The following EXOC4 variants were observed in gnomAD, a reference collection of about 807,000 sequenced individuals.
EXOC4 encodes exocyst complex component 4, also known as SEC8-like 1.
A neutral mutation model predicts 107.2 loss-of-function variants in EXOC4; 71 were observed. The observed-to-expected ratio is 0.66, with a 90% CI of 0.55 to 0.81. The LOEUF (loss-of-function observed/expected upper bound fraction) is 0.81, where lower values mean the gene tolerates loss of function less well. Ranked by LOEUF, EXOC4 falls within the 30% of genes least tolerant of loss-of-function variation. The pLI is 0.00. For synonymous variants in EXOC4, 456 were observed against 441.2 expected (o/e 1.03, Z -0.42); for missense variants, 1,108 against 1,189.6 (o/e 0.93, Z 1.01).
intron 16 of EXOC4, among the ~76,000 whole-genome samples, chr7:134,007,341 G>A (rs372567144): frequency 1.3e-5 from 2 of 152,078 alleles, no homozygotes; most frequent in South Asian, 2.1e-4. Flanking sequence ...AAAGAAAAGC[G>A]GGATTTCCTG....
intron 9 of EXOC4, among the ~76,000 whole-genome samples, chr7:133,537,302 C>G (rs983706758): frequency 1.3e-5 from 2 of 148,786 alleles, no homozygotes; most frequent in African/African-American, 2.5e-5. Context: ...AGGCACCCCC[C>G]CCCCCACCAC....
chr7:133,813,245 G>A (rs2151210465), intron 10 of EXOC4, among the ~76,000 whole-genome samples: 1 of 152,190 alleles, frequency 6.6e-6, no homozygotes, highest in African/African-American at 2.4e-5. Flanking sequence ...GGCAAATATG[G>A]GACTAGAAAG....
chr7:133,753,612 C>T (rs1448455642), intron 10 of EXOC4, among the ~76,000 whole-genome samples: 1 of 152,216 alleles, frequency 6.6e-6, no homozygotes, highest in Non-Finnish European at 1.5e-5. Flanking sequence ...ATGTTAAAGG[C>T]TGACAAGAAT....
intron 11 of EXOC4, among the ~76,000 whole-genome samples, chr7:133,883,421 C>A (rs1799008744): frequency 7.0e-6 from 1 of 142,192 alleles, no homozygotes; most frequent in African/African-American, 2.6e-5. Flanking sequence ...GTGGGAGGAT[C>A]ATTTGAGGCC....
intron 7 of EXOC4, among the ~76,000 whole-genome samples, chr7:133,448,795 A>AGT (rs1407717315): frequency 3.3e-5 from 5 of 152,162 alleles, no homozygotes; most frequent in Admixed American, 1.3e-4. Flanking sequence ...TCTAATGATT[A>AGT]GTGACCTTAT....
intron 12 of EXOC4, among the ~76,000 whole-genome samples, chr7:133,902,619 C>T (rs936983857): frequency 2.6e-5 from 4 of 151,944 alleles, no homozygotes; most frequent in Non-Finnish European, 4.4e-5. Context: ...TTTGGGAGGC[C>T]GAGGGCAGGC....
intron 9 of EXOC4, among the ~76,000 whole-genome samples, chr7:133,547,129 A>G (rs1390638012): frequency 6.6e-6 from 1 of 152,204 alleles, no homozygotes; most frequent in East Asian, 1.9e-4. Flanking sequence ...TTCCAGGTTC[A>G]GTTCCAGACC....
intron 9 of EXOC4, among the ~76,000 whole-genome samples, chr7:133,562,975 T>A (rs1800838087): frequency 1.3e-5 from 2 of 152,202 alleles, no homozygotes; most frequent in African/African-American, 4.8e-5. Context: ...TGGTGATGCA[T>A]GAAGTCACGA....
Position 133,698,539 on chromosome 7 carries a change from G to T in EXOC4, c.1514+68398G>T, listed in dbSNP as rs529844327. The stretch of plus-strand genomic sequence containing the variant: ...TGAGGTTGCAGTGAGCCAAAATCAC[G>T]CCACGGCACTCCAGCACAGACACCA... On this transcript the variant is annotated intron_variant, in intron 10 of 17. Coordinates refer to ENST00000253861, the MANE Select transcript of EXOC4 (RefSeq NM_021807.4). Among the ~76,000 whole-genome samples, 5 of 146,474 alleles carry T rather than the reference G, an allele frequency of 3.4e-5. No individual in the cohort carries two copies. The South Asian group carries it at 6.5e-4, about 19-fold the overall frequency.
intron 10 of EXOC4, among the ~76,000 whole-genome samples, chr7:133,754,638 T>G (rs939587645): frequency 1.3e-5 from 2 of 151,608 alleles, no homozygotes; most frequent in African/African-American, 4.9e-5. Context: ...TGTACAGTAT[T>G]GATTGATTAT....
At chr7:133,856,209 C>T (rs146448716) in intron 11 of EXOC4, among the ~76,000 whole-genome samples, 4 of 152,314 alleles carry the variant, frequency 2.6e-5, no homozygotes, top group Admixed American at 1.3e-4. Context: ...AGCTATAAAA[C>T]GGAAGTAATA....
chr7:133,313,530 T>G (rs1485761585), intron 4 of EXOC4, among the ~76,000 whole-genome samples: 1 of 152,238 alleles, frequency 6.6e-6, no homozygotes, highest in African/African-American at 2.4e-5. Context: ...CTCTGTCAGT[T>G]TTTAGTTTCA....
intron 12 of EXOC4, among the ~76,000 whole-genome samples, chr7:133,911,918 C>G (rs755664): frequency 0.47 from 71,017 of 151,974 alleles, 17,893 homozygotes; most frequent in African/African-American, 0.65. Flanking sequence ...GTGGTGAAAT[C>G]TCCCACAGCC....
Position 133,677,319 on chromosome 7 carries a change from C to T in EXOC4, c.1514+47178C>T, listed in dbSNP as rs1354625273. 3.3e-5 allele frequency among the ~76,000 whole-genome samples: 5 copies of T among 152,150 alleles called. No homozygotes were observed. In the East Asian group the frequency reaches 5.8e-4, roughly 18 times the overall value. On this transcript the variant is annotated intron_variant, in intron 10 of 17. Coordinates refer to ENST00000253861, the MANE Select transcript of EXOC4 (RefSeq NM_021807.4). The stretch of plus-strand genomic sequence containing the variant: ...CTACCAAATCCATGGGTCAAAGTGC[C>T]GTATGCAGGTGATTTACTGTGCTTG...
At chr7:133,284,442 G>T (rs1018722852) in intron 2 of EXOC4, among the ~76,000 whole-genome samples, 2 of 152,190 alleles carry the variant, frequency 1.3e-5, no homozygotes. Flanking sequence ...GATTTAAAAT[G>T]GAATGATTTA....
intron 9 of EXOC4, among the ~76,000 whole-genome samples, chr7:133,495,690 A>T (rs560897220): frequency 6.6e-6 from 1 of 152,300 alleles, no homozygotes; most frequent in African/African-American, 2.4e-5. Context: ...ATAGTATTTT[A>T]TTCTATGACT....
At chr7:134,076,671 A>G in the EXOC4 span, among the ~76,000 whole-genome samples, 7 of 149,990 alleles carry the variant, frequency 4.7e-5, no homozygotes, top group East Asian at 1.2e-3. Flanking sequence ...ATATAAATAT[A>G]TATCTAACAT....
At position 133,466,860 on chromosome 7, in the gene EXOC4, A is replaced by G. The variant is rs78305763; in HGVS notation, c.1183-8468A>G. Among the ~76,000 whole-genome samples the G allele has an allele frequency of 2.6e-3, 393 of 152,308 alleles. 1 individual carries two copies. The highest frequency in any genetic ancestry group is 9.2e-3 in the African/African-American group (381 of 41,572). ...AAAAGTCAATGTATTACCATAAAAT[A>G]AAGAACCAAAGTCACATAATCATCT... is the stretch of plus-strand genomic sequence containing the variant. On this transcript the variant is annotated intron_variant, in intron 7 of 17. Coordinates refer to ENST00000253861, the MANE Select transcript of EXOC4 (RefSeq NM_021807.4).
At chr7:133,430,371 TA>T (rs1452764156) in intron 7 of EXOC4, among the ~76,000 whole-genome samples, 4 of 152,160 alleles carry the variant, frequency 2.6e-5, no homozygotes, top group Non-Finnish European at 5.9e-5. Flanking sequence ...GAAAACGGGA[TA>T]ACTCTTCTCA....
Sources: gnomAD v4.1 joint callset for allele counts (sites outside exome capture counted in the v4.1 genomes callset) on GRCh38, gnomAD v4.1.1 for gene constraint, MANE v1.5 for transcripts, NCBI Gene and HGNC (gene_info 2026-07-23, HGNC 2026-07-21) for gene names.